The following DPP10 variants were observed in gnomAD, a reference collection of about 807,000 sequenced individuals.
DPP10 encodes the protein inactive dipeptidyl peptidase 10.
DPP10 carries 33 observed loss-of-function variants against 120.9 expected under a neutral mutation model. The ratio of observed to expected loss-of-function variants is 0.27; its 90% CI spans 0.21 to 0.37. The LOEUF (loss-of-function observed/expected upper bound fraction) is 0.37. Among genes scored for constraint, DPP10 ranks in the 10% least tolerant of loss-of-function variants. The probability of loss-of-function intolerance (pLI) is 1.00; values close to 1 mark genes in which losing one functional copy is unlikely to be tolerated. For missense variants in DPP10, 816 were observed against 942.8 expected, an observed-to-expected ratio of 0.87 and a Z score of 1.76; for synonymous variants, 337 against 326.1, an observed-to-expected ratio of 1.03 and a Z score of -0.36.
intron 3 of DPP10, among the ~76,000 whole-genome samples, chr2:115,375,844 T>G (rs984549345): frequency 6.6e-6 from 1 of 152,138 alleles, no homozygotes. Flanking sequence ...CTCACTATGA[T>G]GAAAACAACA....
rs1704456923 is a variant in DPP10, at chr2:115,039,258, TC to T, written c.61-269979del. 2.0e-5 allele frequency among the ~76,000 whole-genome samples: 3 copies of T among 152,366 alleles called. No homozygotes were observed. The South Asian group carries it at 6.2e-4, about 32-fold the overall frequency. ...ATCAGATATTGAAGAGAATGATATGTCCTGCTAAGTATCTGACATTTCTCTT... is the reference window on the plus strand; with the variant it reads ...ATCAGATATTGAAGAGAATGATATGTCTGCTAAGTATCTGACATTTCTCTT... On this transcript the variant is annotated intron_variant, in intron 1 of 25. Transcript: ENST00000410059.
intron 4 of DPP10, among the ~76,000 whole-genome samples, chr2:115,509,544 G>T (rs1248053250): frequency 2.0e-5 from 3 of 152,062 alleles, no homozygotes; most frequent in Non-Finnish European, 4.4e-5. Context: ...CACATTTCTT[G>T]ATTCAAATGT....
At chr2:115,228,362 A>G (rs1217597074) in intron 1 of DPP10, among the ~76,000 whole-genome samples, 1 of 152,150 alleles carries the variant, frequency 6.6e-6, no homozygotes, top group South Asian at 2.1e-4. Flanking sequence ...GTTACAGACT[A>G]TAAAATTATA....
At chr2:114,829,990 T>G (rs1351157554) in intron 1 of DPP10, among the ~76,000 whole-genome samples, 1 of 152,110 alleles carries the variant, frequency 6.6e-6, no homozygotes. Flanking sequence ...TAAGCTCTGC[T>G]GCCCTGGGCC....
At chr2:115,170,468 A>G (rs1573877494) in intron 1 of DPP10, among the ~76,000 whole-genome samples, 1 of 152,314 alleles carries the variant, frequency 6.6e-6, no homozygotes, top group East Asian at 1.9e-4. Flanking sequence ...CAAATTTAGA[A>G]TAGGTCATTT....
chr2:114,893,575 A>G (rs1191974413), intron 1 of DPP10, among the ~76,000 whole-genome samples: 1 of 152,178 alleles, frequency 6.6e-6, no homozygotes, highest in Non-Finnish European at 1.5e-5. Flanking sequence ...GCTGTAGAAT[A>G]GGAAACCCAA....
intron 1 of DPP10, among the ~76,000 whole-genome samples, chr2:114,714,770 T>G (rs1701249744): frequency 1.3e-5 from 2 of 152,122 alleles, no homozygotes; most frequent in African/African-American, 4.8e-5. Flanking sequence ...TTGTTTTTTT[T>G]GTTATAAAAA....
chr2:115,635,828 C>G (rs894913956), intron 5 of DPP10, among the ~76,000 whole-genome samples: 18 of 152,076 alleles, frequency 1.2e-4, no homozygotes, highest in African/African-American at 4.1e-4. Context: ...GACTAGAAAA[C>G]TCTTGATGTT....
chr2:114,724,465 T>A (rs548213060), intron 1 of DPP10, among the ~76,000 whole-genome samples: 2 of 152,272 alleles, frequency 1.3e-5, no homozygotes, highest in African/African-American at 4.8e-5. Flanking sequence ...TGCTTTCTCT[T>A]CAAAGAGGTA....
At chr2:115,000,009 C>T (rs1179826421) in intron 1 of DPP10, among the ~76,000 whole-genome samples, 1 of 39,600 alleles carries the variant, frequency 2.5e-5, no homozygotes, top group African/African-American at 7.5e-5. Flanking sequence ...GTTAATTCAA[C>T]CAATTAGTTT....
intron 1 of DPP10, among the ~76,000 whole-genome samples, chr2:115,227,915 T>C (rs1373828111): frequency 1.9e-5 from 2 of 107,176 alleles, no homozygotes; most frequent in African/African-American, 6.7e-5. Flanking sequence ...ATCCGATTTC[T>C]TTTTTTTCCT....
At chr2:115,407,679 A>G (rs972878291) in intron 3 of DPP10, among the ~76,000 whole-genome samples, 5 of 152,042 alleles carry the variant, frequency 3.3e-5, no homozygotes, top group African/African-American at 1.2e-4. Flanking sequence ...ACTGGAAAAA[A>G]AAAAATACTT....
chr2:115,283,035 A>G (rs2105885328), intron 1 of DPP10, among the ~76,000 whole-genome samples: 1 of 152,080 alleles, frequency 6.6e-6, no homozygotes, highest in South Asian at 2.1e-4. Context: ...AATTCCATTT[A>G]TGTATCATTC....
chr2:114,680,101 A>G (rs1454477737), intron 1 of DPP10, among the ~76,000 whole-genome samples: 1 of 151,988 alleles, frequency 6.6e-6, no homozygotes, highest in Non-Finnish European at 1.5e-5. Flanking sequence ...CTTGAGGCTT[A>G]TCTATTTCAG....
chr2:114,576,447 A>C (rs1690053914), intron 1 of DPP10, among the ~76,000 whole-genome samples: 1 of 152,230 alleles, frequency 6.6e-6, no homozygotes, highest in South Asian at 2.1e-4. Context: ...TTAGAGGGAC[A>C]CAGTGAAAAT....
intron 5 of DPP10, among the ~76,000 whole-genome samples, chr2:115,559,163 T>C (rs1365840297): frequency 6.6e-6 from 1 of 152,224 alleles, no homozygotes; most frequent in Non-Finnish European, 1.5e-5. Flanking sequence ...AAATATTCAC[T>C]ACATTACTGA....
At chr2:115,491,635 C>G (rs1425682239) in intron 3 of DPP10, among the ~76,000 whole-genome samples, 2 of 151,942 alleles carry the variant, frequency 1.3e-5, no homozygotes, top group African/African-American at 2.4e-5. Flanking sequence ...AAGGGGTTAT[C>G]TAGGGGCTAG....
At chr2:114,998,081 C>A (rs1574660770) in intron 1 of DPP10, among the ~76,000 whole-genome samples, 1 of 152,174 alleles carries the variant, frequency 6.6e-6, no homozygotes, top group African/African-American at 2.4e-5. Context: ...TGAATTTATA[C>A]ACTATTGATA....
At chr2:115,517,158 G>T (rs1030308248) in intron 4 of DPP10, among the ~76,000 whole-genome samples, 1 of 152,102 alleles carries the variant, frequency 6.6e-6, no homozygotes, top group African/African-American at 2.4e-5. Flanking sequence ...CAGGAAACAG[G>T]AACAGGGAGG....
Sources: gnomAD v4.1 joint callset for allele counts (sites outside exome capture counted in the v4.1 genomes callset) on GRCh38, gnomAD v4.1.1 for gene constraint, MANE v1.5 for transcripts, NCBI Gene and HGNC (gene_info 2026-07-23, HGNC 2026-07-21) for gene names.